ZNF257: variants seen among roughly 807,000 people sequenced by gnomAD.
The protein encoded by ZNF257 is bone marrow zinc finger 4.
ZNF257 carries 12 observed loss-of-function variants against 11.9 expected under a neutral mutation model. The ratio of observed to expected loss-of-function variants is 1.01; its 90% CI spans 0.65 to 1.63. The LOEUF (loss-of-function observed/expected upper bound fraction) is 1.63, where lower values mean the gene tolerates loss of function less well. Ranked by LOEUF, ZNF257 falls within the 40% of genes most tolerant of loss-of-function variation. The pLI, the probability that ZNF257 is intolerant of heterozygous loss-of-function variation, is 0.00. For synonymous variants in ZNF257, 183 were observed against 222.7 expected (o/e 0.82, Z 1.59); for missense variants, 580 against 665.5 (o/e 0.87, Z 1.41).
chr19:22,059,843 C>T (rs575920889), intron 1 of ZNF257, among the ~76,000 whole-genome samples: 1 of 151,888 alleles, frequency 6.6e-6, no homozygotes, highest in East Asian at 1.9e-4. Context: ...CTACCTCAGC[C>T]CCCCAAGTAG....
chr19:22,067,407 C>T (rs1470927117), intron 1 of ZNF257, among the ~76,000 whole-genome samples: 1 of 152,136 alleles, frequency 6.6e-6, no homozygotes, highest in Non-Finnish European at 1.5e-5. Flanking sequence ...GTAACACCTG[C>T]TGCTACTCCA....
At chr19:22,067,267 G>A (rs2021975374) in intron 1 of ZNF257, among the ~76,000 whole-genome samples, 1 of 152,142 alleles carries the variant, frequency 6.6e-6, no homozygotes, top group African/African-American at 2.4e-5. Context: ...CTTCAGACCT[G>A]AAACTGATTC....
chr19:22,055,599 C>T (rs2021609628), intron 1 of ZNF257, among the ~76,000 whole-genome samples: 1 of 152,122 alleles, frequency 6.6e-6, no homozygotes, highest in Non-Finnish European at 1.5e-5. Flanking sequence ...GATCCTGGGC[C>T]ACTCAGTGGG....
chr19:22,058,190 C>T (rs1022030484), intron 1 of ZNF257, among the ~76,000 whole-genome samples: 2 of 152,142 alleles, frequency 1.3e-5, no homozygotes, highest in African/African-American at 4.8e-5. Context: ...ATGAACTGTT[C>T]CTGGAGCACA....
intron 1 of ZNF257, 98 bp downstream of exon 1, chr19:22,052,733 C>A: frequency 7.0e-7 from 1 of 1,426,910 alleles, no homozygotes. Flanking sequence ...TTGCAGTCAG[C>A]CCTACCATCT....
rs189382423 is a variant in ZNF257 at position 22,066,188 on chromosome 19, G to T, written c.4-6621G>T. On this transcript the variant is annotated intron_variant, in intron 1 of 3. Coordinates refer to ENST00000594947, the MANE Select transcript of ZNF257 (RefSeq NM_033468.4). ...TTAGAAGCCTTATGCGTATCCCGTG[G>T]TGTCTTTGAATGAGGTGGGCTGTCA... is the stretch of plus-strand genomic sequence containing the variant. 3.5e-3 allele frequency: 541 copies of T among 153,386 alleles called. 4 individuals carry two copies. The highest frequency in any genetic ancestry group is 7.5e-3 in the Admixed American group (115 of 15,292). 9.5% of individuals were successfully genotyped at this position (153,386 alleles called of 1,614,324 possible).
chr19:22,070,460 T>A (rs1271875717), intron 1 of ZNF257, among the ~76,000 whole-genome samples: 1 of 152,168 alleles, frequency 6.6e-6, no homozygotes, highest in Non-Finnish European at 1.5e-5. Flanking sequence ...TGTCACATAA[T>A]GTGTTATTCC....
chr19:22,070,639 A>G (rs1483147235), intron 1 of ZNF257, among the ~76,000 whole-genome samples: 1 of 152,058 alleles, frequency 6.6e-6, no homozygotes, highest in Non-Finnish European at 1.5e-5. Flanking sequence ...ATACTTTAGG[A>G]TGGAGAGTGG....
At chr19:22,069,353 G>T (rs1052629882) in intron 1 of ZNF257, among the ~76,000 whole-genome samples, 2 of 152,120 alleles carry the variant, frequency 1.3e-5, no homozygotes, top group African/African-American at 4.8e-5. Context: ...GGTGGCTTAC[G>T]CCTGTAATCC....
chr19:22,075,104 G>C (rs1198205002), intron 3 of ZNF257, among the ~76,000 whole-genome samples: 1 of 152,122 alleles, frequency 6.6e-6, no homozygotes, highest in Admixed American at 6.5e-5. Flanking sequence ...ATGGAGAGGG[G>C]TTGTAGCTTG....
intron 3 of ZNF257, among the ~76,000 whole-genome samples, chr19:22,079,336 T>G (rs527930614): frequency 1.4e-4 from 21 of 152,190 alleles, no homozygotes; most frequent in Non-Finnish European, 2.8e-4. Flanking sequence ...GGTTTCTGGC[T>G]ATAGTTGTAA....
intron 3 of ZNF257, among the ~76,000 whole-genome samples, chr19:22,080,637 A>C (rs1429048195): frequency 6.6e-6 from 1 of 151,966 alleles, no homozygotes; most frequent in Non-Finnish European, 1.5e-5. Context: ...TGTATTCAAA[A>C]TAATTTATAC....
intron 3 of ZNF257, among the ~76,000 whole-genome samples, chr19:22,087,266 A>G (rs6511321): frequency 0.23 from 35,345 of 151,818 alleles, 5,576 homozygotes; most frequent in African/African-American, 0.44. Context: ...CAATCTTTAC[A>G]ATGTAGCTTT....
At chr19:22,087,938 C>T (rs768449848) in intron 3 of ZNF257, 39 bp from the exon 4 acceptor site, 2 of 1,446,388 alleles carry the variant, frequency 1.4e-6, no homozygotes, top group African/African-American at 2.8e-5. Context: ...TTACCTGAGT[C>T]TAGTAAGTGG....
At chr19:22,085,548 T>C (rs1212931075) in intron 3 of ZNF257, among the ~76,000 whole-genome samples, 2 of 148,568 alleles carry the variant, frequency 1.3e-5, no homozygotes, top group East Asian at 3.9e-4. Flanking sequence ...TCCTTATTAA[T>C]ATTCTCTTGT....
At chr19:22,065,636 T>TAATC (rs111907640) in intron 1 of ZNF257, among the ~76,000 whole-genome samples, 99,461 of 151,636 alleles carry the variant, frequency 0.66, 33,483 homozygotes, top group South Asian at 0.83. Flanking sequence ...AAATGCTTAT[T>TAATC]TATCTAATAG....
At chr19:22,075,711 A>G (rs1445654759) in intron 3 of ZNF257, 2 of 152,180 alleles carry the variant, frequency 1.3e-5, no homozygotes, top group South Asian at 2.1e-4. Flanking sequence ...GAATTTCACA[A>G]CTTCATCCCT....
Position 22,089,349 on chromosome 19 carries a change from T to A in ZNF257, c.1599T>A (p.His533Gln). 6.2e-7 allele frequency: 1 copy of A among 1,613,636 alleles called. No individual in the cohort carries two copies. Among genetic ancestry groups the A allele is most frequent in the Non-Finnish European group, 8.5e-7 (1 of 1,179,764 alleles). ...PFNRFSYLTV[H>Q]KRIHAGENPN... ...ATCGTTTCTCATACCTTACCGTACA[T>A]AAGAGAATTCATGCTGGAGAGAACC... is the stretch of plus-strand genomic sequence containing the variant. Residue 533 changes from histidine (H) to glutamine (Q), a missense_variant, in exon 4 of 4, where the codon CAT becomes CAA. Coordinates refer to ENST00000594947, the MANE Select transcript of ZNF257 (RefSeq NM_033468.4).
chr19:22,052,525 C>A lies in ZNF257; in HGVS notation c.-108C>A. 3 of 1,385,232 alleles carry A rather than the reference C, an allele frequency of 2.2e-6. No homozygotes were observed. The South Asian group carries it at 3.5e-5, about 16-fold the overall frequency. The allele number at this position is 1,385,232 out of a possible 1,614,324, so 85.8% of individuals were successfully genotyped here. A position where few individuals can be genotyped will look rare whatever the true frequency, so the allele number is the denominator to read the frequency against. ...TAGCCCGAGCTGCAGGTCTCGTCTT[C>A]CCTGGTCTGTGTCCTCTTCTCCTAG... On this transcript the variant is annotated 5_prime_UTR_variant, in exon 1 of 4. Transcript: ENST00000594947.
Sources: gnomAD v4.1 joint callset for allele counts (sites outside exome capture counted in the v4.1 genomes callset) on GRCh38, gnomAD v4.1.1 for gene constraint, MANE v1.5 for transcripts, NCBI Gene and HGNC (gene_info 2026-07-23, HGNC 2026-07-21) for gene names.